RNF220: variants seen among roughly 807,000 people sequenced by gnomAD.
The protein encoded by RNF220 is E3 ubiquitin-protein ligase RNF220.
In RNF220, 7 loss-of-function variants were observed where a neutral mutation model predicts 67.1. The observed-to-expected ratio is 0.10, with a 90% CI of 0.06 to 0.20. The LOEUF (loss-of-function observed/expected upper bound fraction) is 0.20. Among genes scored for constraint, RNF220 ranks in the 10% least tolerant of loss-of-function variants. The probability of loss-of-function intolerance (pLI) is 1.00; values close to 1 mark genes in which losing one functional copy is unlikely to be tolerated. For synonymous variants in RNF220, 270 were observed against 283.2 expected (o/e 0.95, Z 0.47); for missense variants, 565 against 740.3 (o/e 0.76, Z 2.75).
At chr1:44,629,770 GGTA>G (rs1644062216) in intron 5 of RNF220, among the ~76,000 whole-genome samples, 1 of 152,178 alleles carries the variant, frequency 6.6e-6, no homozygotes, top group African/African-American at 2.4e-5. Flanking sequence ...TCACACAGGA[GGTA>G]ATGACTGAAA....
At chr1:44,593,805 G>A (rs1038699104) in intron 2 of RNF220, among the ~76,000 whole-genome samples, 2 of 151,918 alleles carry the variant, frequency 1.3e-5, no homozygotes. Context: ...ACTCTTGGCC[G>A]GGCATGGTGG....
intron 2 of RNF220, among the ~76,000 whole-genome samples, chr1:44,491,566 A>G (rs1008654767): frequency 1.3e-5 from 2 of 152,152 alleles, no homozygotes; most frequent in African/African-American, 4.8e-5. Context: ...AAAAACATTC[A>G]ACAAACTAGG....
chr1:44,424,057 G>A (rs1268636169), intron 2 of RNF220: 1 of 979,782 alleles, frequency 1.0e-6, no homozygotes, highest in Non-Finnish European at 1.2e-6. Flanking sequence ...CCTGTGTGTA[G>A]AGCGTTGTGC....
intron 8 of RNF220, chr1:44,643,059 C>G (rs1360754306): frequency 2.0e-5 from 3 of 152,456 alleles, no homozygotes; most frequent in Non-Finnish European, 4.4e-5. Context: ...GCTTAATGGC[C>G]CTGCTGCTGA....
At chr1:44,543,604 T>G (rs1401252174) in intron 2 of RNF220, among the ~76,000 whole-genome samples, 1 of 151,742 alleles carries the variant, frequency 6.6e-6, no homozygotes, top group African/African-American at 2.4e-5. Flanking sequence ...CGGAAGGGGC[T>G]AGTCACAGAA....
At chr1:44,448,094 T>C (rs1307383585) in intron 2 of RNF220, among the ~76,000 whole-genome samples, 1 of 152,016 alleles carries the variant, frequency 6.6e-6, no homozygotes, top group Non-Finnish European at 1.5e-5. Flanking sequence ...AGGTCAGGAG[T>C]TTGAGACCAG....
Position 44,624,085 on chromosome 1 carries a change from C to T in RNF220, c.804+1298C>T, listed in dbSNP as rs1269404284. On this transcript the variant is annotated intron_variant, in intron 4 of 14. Transcript: ENST00000361799. The surrounding 1 kb of genome is among the most constrained non-coding windows in gnomAD (Gnocchi z 4.2). ...CTGCAGCAAGCTGGGAGAGGAGGAG[C>T]AGAGCACCTAGCCCTGCCTTGGGTG... 1.3e-5 allele frequency among the ~76,000 whole-genome samples: 2 copies of T among 152,200 alleles called. 1 individual carries two copies. The highest frequency in any genetic ancestry group is 2.9e-5 in the Non-Finnish European group (2 of 68,030).
chr1:44,479,486 C>T (rs763526558), intron 2 of RNF220, among the ~76,000 whole-genome samples: 46 of 152,128 alleles, frequency 3.0e-4, no homozygotes, highest in Non-Finnish European at 8.8e-5. Context: ...ACAATTTTTA[C>T]AAGACAGAAT....
intron 2 of RNF220, among the ~76,000 whole-genome samples, chr1:44,613,116 G>C (rs1408391602): frequency 6.7e-6 from 1 of 150,344 alleles, no homozygotes; most frequent in Non-Finnish European, 1.5e-5. Flanking sequence ...AGAGGCCACA[G>C]AGCATCCATG....
At chr1:44,413,898 T>C (rs1458623453) in intron 2 of RNF220, among the ~76,000 whole-genome samples, 1 of 152,224 alleles carries the variant, frequency 6.6e-6, no homozygotes, top group Non-Finnish European at 1.5e-5. Flanking sequence ...AATTAGGCAC[T>C]GTGTTAACTT....
chr1:44,477,235 G>A (rs1655378267), intron 2 of RNF220, among the ~76,000 whole-genome samples: 1 of 152,052 alleles, frequency 6.6e-6, no homozygotes, highest in Admixed American at 6.6e-5. Context: ...CTACACTTTG[G>A]GAATGCATTG....
chr1:44,450,482 C>A (rs1217413511), intron 2 of RNF220, among the ~76,000 whole-genome samples: 1 of 152,098 alleles, frequency 6.6e-6, no homozygotes, highest in Non-Finnish European at 1.5e-5. Flanking sequence ...TAATAGGTAC[C>A]CTTGAAGACC....
rs547168683 is a variant in RNF220 at position 44,486,753 on chromosome 1, T to C, written c.625+74031T>C. On this transcript the variant is annotated intron_variant, in intron 2 of 14. Coordinates refer to ENST00000361799, the MANE Select transcript of RNF220 (RefSeq NM_018150.4). ...GAGTGGGCTGGGAAGCTTGACTGCC[T>C]GGGTTCAAATCTTAGCTCCACCACC... Among the ~76,000 whole-genome samples, 3 of 152,298 alleles carry C rather than the reference T, an allele frequency of 2.0e-5. No individual in the cohort carries two copies. The East Asian group carries it at 5.8e-4, about 29-fold the overall frequency.
chr1:44,581,838 T>C (rs1390190967), intron 2 of RNF220, among the ~76,000 whole-genome samples: 1 of 152,140 alleles, frequency 6.6e-6, no homozygotes, highest in Non-Finnish European at 1.5e-5. Flanking sequence ...GCTCCATTCT[T>C]GTGTTCCTTG....
Position 44,417,867 on chromosome 1 carries a change from A to C in RNF220, c.625+5145A>C, listed in dbSNP as rs897091689. Among the ~76,000 whole-genome samples, 6 of 152,058 alleles carry C rather than the reference A, an allele frequency of 3.9e-5. No homozygotes were observed. The highest frequency in any genetic ancestry group is 1.4e-4 in the African/African-American group (6 of 41,506). On this transcript the variant is annotated intron_variant, in intron 2 of 14. Transcript: ENST00000361799. The surrounding 1 kb of genome is among the most constrained non-coding windows in gnomAD (Gnocchi z 4.0). The stretch of plus-strand genomic sequence containing the variant: ...GCCTCCGCCACCGAGGCGGCTTGCA[A>C]GTGGTTTCAGAAATGTTGGTGATCT...
chr1:44,566,075 G>A (rs1035927004), intron 2 of RNF220, among the ~76,000 whole-genome samples: 5 of 152,166 alleles, frequency 3.3e-5, no homozygotes, highest in Admixed American at 1.3e-4. Context: ...AGCTATTTCC[G>A]GCAAGGTGTT....
chr1:44,499,543 G>A (rs1390155254), intron 2 of RNF220, among the ~76,000 whole-genome samples: 1 of 152,046 alleles, frequency 6.6e-6, no homozygotes, highest in African/African-American at 2.4e-5. Flanking sequence ...CTCACTGCTT[G>A]TTCCTCTTGC....
At chr1:44,607,581 G>A (rs1431032440) in intron 2 of RNF220, among the ~76,000 whole-genome samples, 1 of 151,416 alleles carries the variant, frequency 6.6e-6, no homozygotes, top group Non-Finnish European at 1.5e-5. Flanking sequence ...CCGCCTCCTG[G>A]GTTCATGCCA....
intron 2 of RNF220, among the ~76,000 whole-genome samples, chr1:44,564,680 C>G (rs1663844619): frequency 6.8e-6 from 1 of 148,090 alleles, no homozygotes; most frequent in Non-Finnish European, 1.5e-5. Flanking sequence ...TTGAACCTGG[C>G]AGGCAGAGGT....
Sources: gnomAD v4.1 joint callset for allele counts (sites outside exome capture counted in the v4.1 genomes callset) on GRCh38, gnomAD v4.1.1 for gene constraint, Gnocchi (gnomAD v3.1) non-coding constraint, MANE v1.5 for transcripts, NCBI Gene and HGNC (gene_info 2026-07-23, HGNC 2026-07-21) for gene names.